THEMIS: variants seen among roughly 807,000 people sequenced by gnomAD.
THEMIS encodes thymocyte selection associated.
In THEMIS, 37 loss-of-function variants were observed where a neutral mutation model predicts 52.6. The ratio of observed to expected loss-of-function variants is 0.70; its 90% CI spans 0.54 to 0.93. The LOEUF is 0.93. Ranked by LOEUF, THEMIS falls within the 40% of genes least tolerant of loss-of-function variation. THEMIS has a pLI of 0.00. For synonymous variants in THEMIS, 292 were observed against 272.7 expected, an observed-to-expected ratio of 1.07 and a Z score of -0.70; for missense variants, 808 against 763.1, an observed-to-expected ratio of 1.06 and a Z score of -0.69.
At chr6:127,712,256 A>C (rs1442764290) in intron 5 of THEMIS, among the ~76,000 whole-genome samples, 1 of 151,916 alleles carries the variant, frequency 6.6e-6, no homozygotes, top group Non-Finnish European at 1.5e-5. Flanking sequence ...GATTTAAACA[A>C]TCTTAGTTTT....
At chr6:127,855,003 A>G in intron 2 of THEMIS, 27 bp downstream of exon 2, 5 of 1,569,366 alleles carry the variant, frequency 3.2e-6, no homozygotes, top group East Asian at 4.5e-5. Flanking sequence ...AGTTGTACAA[A>G]TGATAAGTGG....
chr6:127,790,830 G>A (rs558112489), intron 4 of THEMIS, among the ~76,000 whole-genome samples: 10 of 152,184 alleles, frequency 6.6e-5, no homozygotes, highest in Non-Finnish European at 1.2e-4. Flanking sequence ...GCTGCAGCAG[G>A]GTGGGCAGTG....
the THEMIS span, among the ~76,000 whole-genome samples, chr6:127,697,867 TTTTA>T: frequency 2.0e-5 from 3 of 152,156 alleles, no homozygotes; most frequent in East Asian, 5.8e-4. Flanking sequence ...CTACTATATA[TTTTA>T]TTTGTTTATT....
chr6:127,831,372 GACAAAGAAGA>G lies in THEMIS; in HGVS notation c.251-1448_251-1439del, dbSNP rs1429156897. ...TTTAATAAATTCCAGAGAAAATGAG[GACAAAGAAGA>G]AATTAGTTAATTGCTTTCTTAACCC... is the stretch of plus-strand genomic sequence containing the variant. On this transcript the variant is annotated intron_variant, in intron 2 of 5. Coordinates refer to ENST00000368248, the MANE Select transcript of THEMIS (RefSeq NM_001010923.3). Among the ~76,000 whole-genome samples, 5 of 152,018 alleles carry G rather than the reference GACAAAGAAGA, an allele frequency of 3.3e-5. No individual in the cohort carries two copies. The East Asian group carries it at 9.6e-4, about 29-fold the overall frequency.
intron 1 of THEMIS, among the ~76,000 whole-genome samples, chr6:127,887,124 A>G (rs1011068405): frequency 6.6e-6 from 1 of 152,158 alleles, no homozygotes; most frequent in Non-Finnish European, 1.5e-5. Context: ...TACAAATTGT[A>G]TATCTAATAT....
chr6:127,883,281 TG>T (rs1466342284), intron 1 of THEMIS, among the ~76,000 whole-genome samples: 1 of 151,890 alleles, frequency 6.6e-6, no homozygotes, highest in Non-Finnish European at 1.5e-5. Flanking sequence ...TAAAGTTTAC[TG>T]TAAGTTTTAT....
intron 2 of THEMIS, among the ~76,000 whole-genome samples, chr6:127,830,361 A>G (rs1428190759): frequency 6.6e-6 from 1 of 152,170 alleles, no homozygotes; most frequent in Non-Finnish European, 1.5e-5. Context: ...CACTAAAATT[A>G]AAAGATATTC....
chr6:127,719,922 G>T, intron 4 of THEMIS, 99 bp from the exon 5 acceptor site: 1 of 1,439,828 alleles, frequency 6.9e-7, no homozygotes, highest in Admixed American at 2.2e-5. Context: ...CTGTATGTCT[G>T]AAACAGAACA....
In THEMIS at chr6:127,855,051, C is replaced by G; in HGVS notation, c.229G>C (p.Glu77Gln). The change falls in exon 2 of 6, where the codon GAA (glutamate) becomes CAA (glutamine). Residue 77 changes from glutamate to glutamine, a missense_variant. Transcript: ENST00000368248. The part of the protein sequence containing the change: ...IEGCESLQPF[E>Q]LPMNFPGLFK... ...GTACCTGGAAAATTCATAGGCAGTT[C>G]AAATGGCTGTAGAGACTCACAACCT... The G allele has an allele frequency of 2.5e-6, 4 of 1,607,246 alleles. No homozygotes were observed. The highest frequency in any genetic ancestry group is 3.4e-6 in the Non-Finnish European group (4 of 1,177,216).
chr6:127,787,880 T>TAGAG (rs200767496), intron 4 of THEMIS, among the ~76,000 whole-genome samples: 1 of 119,908 alleles, frequency 8.3e-6, no homozygotes, highest in Non-Finnish European at 1.9e-5. Flanking sequence ...GATAGATAGA[T>TAGAG]ATAGATAGAT....
intron 1 of THEMIS, among the ~76,000 whole-genome samples, chr6:127,898,305 A>G (rs1781033008): frequency 1.6e-5 from 1 of 64,368 alleles, no homozygotes. Flanking sequence ...ACATAGAGGG[A>G]CACTACATTC....
In THEMIS at chr6:127,813,090, A is replaced by G; in HGVS notation, c.1551T>C (p.Ser517=). 1 of 1,614,054 alleles carries G rather than the reference A, an allele frequency of 6.2e-7. No homozygotes were observed. The highest frequency in any genetic ancestry group is 1.1e-5 in the South Asian group (1 of 91,078). Residue 517 remains serine (S), a synonymous_variant, in exon 4 of 6, where the codon AGT becomes AGC. Coordinates refer to ENST00000368248, the MANE Select transcript of THEMIS (RefSeq NM_001010923.3). ...ATGGTTCTGCATCCCTAGAGAAATT[A>G]CTAACTAACTGAACAGTCATATTCA... ...GRLNMTVQLV[S]NFSRDAEPFL... is the part of the protein sequence containing the mutation.
intron 1 of THEMIS, among the ~76,000 whole-genome samples, chr6:127,907,289 A>T (rs1781295252): frequency 6.9e-6 from 1 of 145,282 alleles, no homozygotes; most frequent in East Asian, 2.0e-4. Context: ...CCTACAAAAT[A>T]AGCTTGCTCT....
rs1355242602 is a variant in THEMIS, at chr6:127,837,603, A to C, written c.251-7669T>G. Among the ~76,000 whole-genome samples the C allele has an allele frequency of 5.3e-5, 8 of 152,046 alleles. No individual in the cohort carries two copies. The South Asian group carries it at 8.3e-4, about 16-fold the overall frequency. ...TGTGTTTCTGTGTGCATGTGTGTGT[A>C]GTATGTGTATATATGTATGCATATA... On this transcript the variant is annotated intron_variant, in intron 2 of 5. Transcript: ENST00000368248.
Position 127,804,835 on chromosome 6 carries a change from A to G in THEMIS, c.1758+8048T>C, listed in dbSNP as rs1227550817. On this transcript the variant is annotated intron_variant, in intron 4 of 5. Coordinates refer to ENST00000368248, the MANE Select transcript of THEMIS (RefSeq NM_001010923.3). Reference sequence around the variant, plus strand: ...TAAGACATTAATTACAACTTTTAAAAGCATTTGATAACAACAACAAACTTT... The same window carrying G: ...TAAGACATTAATTACAACTTTTAAAGGCATTTGATAACAACAACAAACTTT... 2.0e-5 allele frequency among the ~76,000 whole-genome samples: 3 copies of G among 152,176 alleles called. No individual in the cohort carries two copies. The South Asian group carries it at 6.2e-4, about 32-fold the overall frequency.
intron 4 of THEMIS, among the ~76,000 whole-genome samples, chr6:127,748,665 A>C (rs993739367): frequency 6.6e-6 from 1 of 152,066 alleles, no homozygotes; most frequent in African/African-American, 2.4e-5. Flanking sequence ...TCTGATAGCC[A>C]AATGGAGGTA....
chr6:127,730,331 G>GAAAAGAAAAGAAAAA (rs1774739266), intron 4 of THEMIS, among the ~76,000 whole-genome samples: 1 of 104,796 alleles, frequency 9.5e-6, no homozygotes, highest in African/African-American at 3.1e-5. Flanking sequence ...AAAAAGAAAA[G>GAAAAGAAAAGAAAAA]AAAAGAAAAG....
intron 3 of THEMIS, among the ~76,000 whole-genome samples, chr6:127,814,977 T>A (rs997132858): frequency 1.3e-5 from 2 of 152,106 alleles, no homozygotes; most frequent in African/African-American, 4.8e-5. Context: ...GGCAATATAG[T>A]GAGACCTTGT....
intron 4 of THEMIS, among the ~76,000 whole-genome samples, chr6:127,799,440 A>G (rs948552204): frequency 6.6e-6 from 1 of 152,194 alleles, no homozygotes; most frequent in African/African-American, 2.4e-5. Context: ...CTGTTCCTAC[A>G]TATTTGGTTT....
Sources: gnomAD v4.1 joint callset for allele counts (sites outside exome capture counted in the v4.1 genomes callset) on GRCh38, gnomAD v4.1.1 for gene constraint, MANE v1.5 for transcripts, NCBI Gene and HGNC (gene_info 2026-07-23, HGNC 2026-07-21) for gene names.